The following TRIM35 variants were observed in gnomAD, a reference collection of about 807,000 sequenced individuals.
TRIM35 encodes tripartite motif containing 35.
In TRIM35, 37 loss-of-function variants were observed where a neutral mutation model predicts 49.1. The observed-to-expected ratio is 0.75, with a 90% confidence interval of 0.58 to 0.99. TRIM35 has a LOEUF of 0.99. Among genes scored for constraint, TRIM35 ranks in the 50% least tolerant of loss-of-function variants. The pLI, the probability that TRIM35 is intolerant of heterozygous loss-of-function variation, is 0.00. For missense variants in TRIM35, 648 were observed against 702.7 expected, an observed-to-expected ratio of 0.92 and a Z score of 0.88; for synonymous variants, 302 against 289.3, an observed-to-expected ratio of 1.04 and a Z score of -0.45.
chr8:27,291,338 G>A (rs1802449745), intron 3 of TRIM35, among the ~76,000 whole-genome samples: 1 of 152,120 alleles, frequency 6.6e-6, no homozygotes, highest in Admixed American at 6.5e-5. Context: ...GGGATGTGAT[G>A]ACATGCAATA....
At chr8:27,288,170 C>A in intron 5 of TRIM35, 43 bp from the exon 6 acceptor site, 1 of 1,548,148 alleles carries the variant, frequency 6.5e-7, no homozygotes, top group South Asian at 1.2e-5. Context: ...AACCTGAGGT[C>A]CCTTAGGCCA....
Position 27,289,166 on chromosome 8 carries a change from T to C in TRIM35, c.900A>G (p.Glu300=), listed in dbSNP as rs750719544. 3.7e-6 allele frequency: 6 copies of C among 1,613,474 alleles called. No individual in the cohort carries two copies. Among genetic ancestry groups the C allele is most frequent in the Non-Finnish European group, 5.1e-6 (6 of 1,179,660 alleles). ...RVWKKMLASV[E]SVPFSFDPNT... ...CCTGCCGGCACCCCCGCTCACCAGA[T>C]TCCACAGATGCAAGCATCTTCTTCC... is the stretch of plus-strand genomic sequence containing the variant. The change falls in exon 5 of 6, where the codon GAA becomes GAG. Residue 300 remains glutamate, a synonymous_variant. Coordinates refer to ENST00000305364, the MANE Select transcript of TRIM35 (RefSeq NM_171982.5).
At chr8:27,302,121 T>C (rs1349152255) in intron 1 of TRIM35, among the ~76,000 whole-genome samples, 1 of 152,210 alleles carries the variant, frequency 6.6e-6, no homozygotes, top group Non-Finnish European at 1.5e-5. Context: ...GTCTTGGCAA[T>C]TTTTGGCCCT....
chr8:27,309,728 A>G (rs1802865839), intron 1 of TRIM35, among the ~76,000 whole-genome samples: 2 of 152,084 alleles, frequency 1.3e-5, no homozygotes, highest in South Asian at 4.1e-4. Flanking sequence ...CACGCCTGTA[A>G]TCCCAGTAGT....
At chr8:27,293,654 A>G (rs1802500988) in intron 3 of TRIM35, among the ~76,000 whole-genome samples, 2 of 152,052 alleles carry the variant, frequency 1.3e-5, no homozygotes. Flanking sequence ...AGCTTGGGCA[A>G]CATAGTGAGA....
intron 1 of TRIM35, among the ~76,000 whole-genome samples, chr8:27,307,271 C>A (rs946911502): frequency 6.6e-6 from 1 of 152,106 alleles, no homozygotes; most frequent in Admixed American, 6.5e-5. Flanking sequence ...ATCTGTCCTG[C>A]AGTTCCTCAT....
At chr8:27,306,473 C>T (rs1052504726) in intron 1 of TRIM35, among the ~76,000 whole-genome samples, 19 of 151,988 alleles carry the variant, frequency 1.3e-4, no homozygotes, top group African/African-American at 4.6e-4. Context: ...CTACAGGTAC[C>T]TGCCACCATG....
At chr8:27,300,690 T>C (rs1454638246) in intron 1 of TRIM35, among the ~76,000 whole-genome samples, 1 of 152,266 alleles carries the variant, frequency 6.6e-6, no homozygotes, top group Non-Finnish European at 1.5e-5. Flanking sequence ...CTCATTTTGA[T>C]CTTTTAATCT....
At chr8:27,297,144 T>G (rs2130287131) in intron 2 of TRIM35, among the ~76,000 whole-genome samples, 1 of 152,328 alleles carries the variant, frequency 6.6e-6, no homozygotes, top group Non-Finnish European at 1.5e-5. Context: ...ACCAGCTCTG[T>G]GGCTCAGGGT....
rs1046776908 is a variant in TRIM35 at position 27,293,353 on chromosome 8, A to G, written c.762+727T>C. 5.3e-5 allele frequency among the ~76,000 whole-genome samples: 8 copies of G among 152,246 alleles called. No individual in the cohort carries two copies. The East Asian group carries it at 1.2e-3, about 22-fold the overall frequency. On this transcript the variant is annotated intron_variant, in intron 3 of 5. Coordinates refer to ENST00000305364, the MANE Select transcript of TRIM35 (RefSeq NM_171982.5). The stretch of plus-strand genomic sequence containing the variant: ...CATGGGGAGGAAATAAATCAATAAA[A>G]GGAAAAAAAAATGAATAATACTGTT...
chr8:27,304,790 C>A (rs1255636692), intron 1 of TRIM35: 1 of 456,148 alleles, frequency 2.2e-6, no homozygotes, highest in African/African-American at 2.0e-5. Context: ...GTTAGGAGAG[C>A]TGGTTTGGAG....
intron 1 of TRIM35, among the ~76,000 whole-genome samples, chr8:27,302,378 CTTAT>C (rs913226271): frequency 6.6e-6 from 1 of 152,218 alleles, no homozygotes; most frequent in African/African-American, 2.4e-5. Context: ...TCCTAGTTAT[CTTAT>C]TTTTTATATT....
intron 1 of TRIM35, among the ~76,000 whole-genome samples, chr8:27,300,695 T>G (rs953185978): frequency 1.3e-5 from 2 of 152,260 alleles, no homozygotes; most frequent in Admixed American, 1.3e-4. Flanking sequence ...TTTGATCTTT[T>G]AATCTTAAGT....
rs146964532 is a variant in TRIM35 at position 27,287,827 on chromosome 8, G to C, written c.1205C>G (p.Thr402Arg). ...GCAGTGGTCCCCCTCCACGCCCTGCGTGCGGCAGACATACCAGAAGCCCGA... is the reference window on the plus strand; with the variant it reads ...GCAGTGGTCCCCCTCCACGCCCTGCCTGCGGCAGACATACCAGAAGCCCGA... ...TRSGFWYVCR[T>R]QGVEGDHCVT... is the part of the protein sequence containing the mutation. Residue 402 changes from threonine to arginine, a missense_variant, in exon 6 of 6, where the codon ACG (threonine) becomes AGG (arginine). Thr to Arg is a moderately conservative substitution (Grantham distance 71). Coordinates refer to ENST00000305364, the MANE Select transcript of TRIM35 (RefSeq NM_171982.5). The surrounding 1 kb of genome is among the most constrained non-coding windows in gnomAD (Gnocchi z 6.0). The C allele has an allele frequency of 8.1e-6, 13 of 1,611,950 alleles. No individual in the cohort carries two copies. Among genetic ancestry groups the C allele is most frequent in the Non-Finnish European group, 1.0e-5 (12 of 1,179,422 alleles).
chr8:27,297,080 G>A (rs557417935), intron 2 of TRIM35, among the ~76,000 whole-genome samples: 48 of 152,294 alleles, frequency 3.2e-4, no homozygotes, highest in African/African-American at 1.1e-3. Flanking sequence ...TCTGCTTTGC[G>A]GTTACTGCCC....
At chr8:27,298,828 A>G (rs1262384245) in intron 1 of TRIM35, among the ~76,000 whole-genome samples, 1 of 152,208 alleles carries the variant, frequency 6.6e-6, no homozygotes, top group Non-Finnish European at 1.5e-5. Context: ...AGAAGAAGCA[A>G]GCTGCTCTCT....
chr8:27,297,900 T>G (rs1279134501), intron 2 of TRIM35, among the ~76,000 whole-genome samples: 2 of 152,048 alleles, frequency 1.3e-5, no homozygotes, highest in Non-Finnish European at 2.9e-5. Flanking sequence ...TGAGGGTGAC[T>G]GGAAGCCACT....
chr8:27,298,508 A>G lies in TRIM35; in HGVS notation c.487T>C (p.Trp163Arg). ...GCCTCATAGGAGCGCCGCATGGCCC[A>G]GAAGGCCTTGGCCTTCTCCCGCAGT... ...HALREKAKAF[W>R]AMRRSYEAIA... The change falls in exon 2 of 6, where the codon TGG becomes CGG. Residue 163 changes from tryptophan to arginine, a missense_variant. By Grantham distance (101) the Trp-to-Arg change is moderately radical. Coordinates refer to ENST00000305364, the MANE Select transcript of TRIM35 (RefSeq NM_171982.5). 3 of 1,614,236 alleles carry G rather than the reference A, an allele frequency of 1.9e-6. No homozygotes were observed. The highest frequency in any genetic ancestry group is 2.5e-6 in the Non-Finnish European group (3 of 1,180,032).
chr8:27,300,114 T>C (rs773125835), intron 1 of TRIM35, among the ~76,000 whole-genome samples: 1 of 152,038 alleles, frequency 6.6e-6, no homozygotes, highest in Admixed American at 6.6e-5. Context: ...AAACTGAGAG[T>C]GGCTTCTGAC....
Sources: gnomAD v4.1 joint callset for allele counts (sites outside exome capture counted in the v4.1 genomes callset) on GRCh38, gnomAD v4.1.1 for gene constraint, Gnocchi (gnomAD v3.1) non-coding constraint, MANE v1.5 for transcripts, NCBI Gene and HGNC (gene_info 2026-07-23, HGNC 2026-07-21) for gene names.